Variants in SCN11A observed in about 807,000 individuals in gnomAD.
SCN11A encodes the protein sodium voltage-gated channel alpha subunit 11.
SCN11A carries 122 observed loss-of-function variants against 162.2 expected under a neutral mutation model. The ratio of observed to expected loss-of-function variants is 0.75; its 90% CI spans 0.65 to 0.87. The LOEUF is 0.87. Among genes scored for constraint, SCN11A ranks in the 40% least tolerant of loss-of-function variants. The pLI is 0.00. For synonymous variants in SCN11A, 758 were observed against 751.5 expected (o/e 1.01, Z -0.14); for missense variants, 2,015 against 2,181.6 (o/e 0.92, Z 1.52).
chr3:38,907,305 CAT>C (rs1353884379), intron 14 of SCN11A, among the ~76,000 whole-genome samples: 4 of 68,376 alleles, frequency 5.9e-5, no homozygotes, highest in African/African-American at 1.8e-4. Context: ...TATATACCAA[CAT>C]ATATGTGTGT....
intron 19 of SCN11A, among the ~76,000 whole-genome samples, chr3:38,891,549 T>C (rs1410390472): frequency 1.3e-5 from 2 of 152,186 alleles, no homozygotes; most frequent in South Asian, 2.1e-4. Context: ...GCTGCTATAA[T>C]AGAATTCCTG....
chr3:38,945,429 T>A lies in SCN11A; in HGVS notation c.470A>T (p.Asn157Ile), dbSNP rs145680426. ...TACTTACTCTGCAATGTCAGTATTG[T>A]TACTGTTGCTGTTTTTAGCAGGCCC... ...ATGPAKNSNS[N>I]NTDIAECVFT... The change falls in exon 7 of 30, where the codon AAC becomes ATC. Residue 157 changes from asparagine (N) to isoleucine (I), a missense_variant. Asn to Ile is a moderately radical substitution (Grantham distance 149). Coordinates refer to ENST00000302328, the MANE Select transcript of SCN11A (RefSeq NM_001349253.2). 8 of 1,610,230 alleles carry A rather than the reference T, an allele frequency of 5.0e-6. No individual in the cohort carries two copies. The African/African-American group carries it at 1.1e-4, about 22-fold the overall frequency.
chr3:38,867,336 G>A lies in SCN11A; in HGVS notation c.3936C>T (p.Asn1312=). 14 of 1,612,738 alleles carry A rather than the reference G, an allele frequency of 8.7e-6. No homozygotes were observed. Among genetic ancestry groups the A allele is most frequent in the Non-Finnish European group, 1.2e-5 (14 of 1,179,498 alleles). ...LFIGVIIDNF[N]QQQKKLGGQD... The stretch of plus-strand genomic sequence containing the variant: ...AGATACTTATCTTTTTCTGCTGTTG[G>A]TTGAAGTTGTCAATGATAACGCCAA... Residue 1312 remains asparagine, a synonymous_variant, in exon 27 of 30, where the codon AAC becomes AAT. Transcript: ENST00000302328.
At chr3:38,963,426 TATATATATATATATATATGATGGAG>T (rs1336508582) in intron 2 of SCN11A, among the ~76,000 whole-genome samples, 3,038 of 73,406 alleles carry the variant, frequency 0.041, 160 homozygotes, top group East Asian at 0.17. Context: ...ATGATGGAGA[TATATATATATATATATATGATGGAG>T]ATATATATAT....
At chr3:39,026,548 CA>C (rs1464589574) in intron 2 of SCN11A, among the ~76,000 whole-genome samples, 2 of 151,174 alleles carry the variant, frequency 1.3e-5, no homozygotes, top group East Asian at 3.9e-4. Flanking sequence ...CAGGGCCAGA[CA>C]GAAGTTAAAG....
intron 29 of SCN11A, among the ~76,000 whole-genome samples, chr3:38,848,254 G>C (rs376053853): frequency 1.3e-5 from 2 of 152,184 alleles, no homozygotes; most frequent in Non-Finnish European, 2.9e-5. Flanking sequence ...CTAAAATGTC[G>C]CCCTGCCTGC....
chr3:39,044,169 C>T (rs569339082), intron 1 of SCN11A, among the ~76,000 whole-genome samples: 9 of 152,186 alleles, frequency 5.9e-5, no homozygotes, highest in South Asian at 2.1e-4. Context: ...AATATATATA[C>T]ACCCAGATAT....
intron 7 of SCN11A, among the ~76,000 whole-genome samples, 186 bp from the exon 8 acceptor site, chr3:38,927,117 G>A (rs1429067595): frequency 6.6e-6 from 1 of 152,090 alleles, no homozygotes; most frequent in Non-Finnish European, 1.5e-5. Context: ...TAGAATTTCA[G>A]AGAAACAGGC....
chr3:38,956,244 CA>C (rs1006442691), intron 3 of SCN11A, among the ~76,000 whole-genome samples: 102 of 139,668 alleles, frequency 7.3e-4, no homozygotes, highest in African/African-American at 1.7e-3. Context: ...GACTCCGTCT[CA>C]AAAAAAAAAG....
chr3:38,966,571 A>G (rs943470649), intron 2 of SCN11A, among the ~76,000 whole-genome samples: 2 of 152,212 alleles, frequency 1.3e-5, no homozygotes, highest in African/African-American at 4.8e-5. Flanking sequence ...GCCGGTATCC[A>G]TCACCTTGAA....
chr3:38,985,723 G>A (rs2030216933), intron 2 of SCN11A, among the ~76,000 whole-genome samples: 1 of 151,026 alleles, frequency 6.6e-6, no homozygotes, highest in Admixed American at 6.6e-5. Flanking sequence ...AAAACTAGAA[G>A]AGACATGTTG....
At position 38,846,569 on chromosome 3, in the gene SCN11A, A is replaced by C. The variant is rs1445390209; in HGVS notation, c.*125T>G. ...TTGAAATATCATTTATTTTAGCCAG[A>C]AAAGAAAATGGAATGGCTAATTTGG... is the stretch of plus-strand genomic sequence containing the variant. On this transcript the variant is annotated 3_prime_UTR_variant, in exon 30 of 30. Transcript: ENST00000302328. 1 of 713,882 alleles carries C rather than the reference A, an allele frequency of 1.4e-6. No individual in the cohort carries two copies. Among genetic ancestry groups the C allele is most frequent in the Non-Finnish European group, 2.4e-6 (1 of 412,654 alleles). 44.2% of individuals were successfully genotyped at this position (713,882 alleles called of 1,614,324 possible).
intron 2 of SCN11A, among the ~76,000 whole-genome samples, chr3:38,991,861 T>A (rs895838497): frequency 6.6e-6 from 1 of 152,170 alleles, no homozygotes; most frequent in Non-Finnish European, 1.5e-5. Flanking sequence ...CAGGCTGGAG[T>A]GCAGTGGTGT....
At chr3:38,885,433 CT>C in intron 20 of SCN11A, 31 bp from the exon 21 acceptor site, 2 of 1,212,976 alleles carry the variant, frequency 1.6e-6, no homozygotes, top group African/African-American at 1.5e-5. Context: ...AAGGGGGTGC[CT>C]TTTACTAAGA....
chr3:39,031,061 T>C (rs1407807662), intron 2 of SCN11A, among the ~76,000 whole-genome samples: 1 of 152,102 alleles, frequency 6.6e-6, no homozygotes, highest in Non-Finnish European at 1.5e-5. Context: ...GACTGGTTTA[T>C]GTGTCTCTAA....
chr3:39,021,574 A>T (rs1248732614), intron 2 of SCN11A, among the ~76,000 whole-genome samples: 4 of 152,160 alleles, frequency 2.6e-5, no homozygotes, highest in African/African-American at 7.2e-5. Flanking sequence ...GCTGCTAAGA[A>T]GATGTTGTGG....
chr3:38,980,682 G>A (rs2029997535), intron 2 of SCN11A, among the ~76,000 whole-genome samples: 1 of 152,218 alleles, frequency 6.6e-6, no homozygotes, highest in Non-Finnish European at 1.5e-5. Flanking sequence ...TTCTGGAGGT[G>A]GTTGCTTCTG....
At chr3:38,994,710 G>A (rs1448376964) in intron 2 of SCN11A, among the ~76,000 whole-genome samples, 1 of 152,186 alleles carries the variant, frequency 6.6e-6, no homozygotes, top group Non-Finnish European at 1.5e-5. Flanking sequence ...AAAGCATGGG[G>A]AGTGTTTCTA....
rs773782966 is a variant in SCN11A at position 38,896,938 on chromosome 3, G to A, written c.2310C>T (p.Ile770=). 5 of 1,613,284 alleles carry A rather than the reference G, an allele frequency of 3.1e-6. No individual in the cohort carries two copies. Among genetic ancestry groups the A allele is most frequent in the East Asian group, 4.5e-5 (2 of 44,846 alleles). ...CTTGCATACATTCCCACATATTTTC[G>A]ATCCATTCCCCGCAGAGGATGCGGA... ...VVFRILCGEW[I]ENMWECMQEA... is the part of the protein sequence containing the mutation. Residue 770 remains isoleucine (I), a synonymous_variant, in exon 18 of 30, where the codon ATC becomes ATT. Transcript: ENST00000302328.
Sources: gnomAD v4.1 joint callset for allele counts (sites outside exome capture counted in the v4.1 genomes callset) on GRCh38, gnomAD v4.1.1 for gene constraint, MANE v1.5 for transcripts, NCBI Gene and HGNC (gene_info 2026-07-23, HGNC 2026-07-21) for gene names.